The following SRRM4 variants were observed in gnomAD, a reference collection of about 807,000 sequenced individuals.
SRRM4 encodes the protein serine/arginine repetitive matrix 4, also known as serine/arginine repetitive matrix protein 4.
In SRRM4, 33 loss-of-function variants were observed where a neutral mutation model predicts 68.9. That is an observed-to-expected ratio of 0.48 (90% confidence interval 0.36 to 0.64). The LOEUF is 0.64. Among genes scored for constraint, SRRM4 ranks in the 30% least tolerant of loss-of-function variants. The probability of loss-of-function intolerance (pLI) is 0.00; values close to 1 mark genes in which losing one functional copy is unlikely to be tolerated. For synonymous variants in SRRM4, 318 were observed against 318.8 expected (o/e 1.00, Z 0.03); for missense variants, 817 against 827.1 (o/e 0.99, Z 0.15).
At chr12:119,121,214 A>G (rs1241071433) in intron 5 of SRRM4, among the ~76,000 whole-genome samples, 3 of 152,168 alleles carry the variant, frequency 2.0e-5, no homozygotes, top group African/African-American at 7.2e-5. Context: ...CTCAACATGA[A>G]GATAGATCCT....
intron 1 of SRRM4, among the ~76,000 whole-genome samples, chr12:119,025,374 T>G (rs1056867704): frequency 2.0e-4 from 30 of 151,862 alleles, no homozygotes; most frequent in African/African-American, 7.0e-4. Context: ...TGGAGGTTTG[T>G]TAATCCAGGC....
chr12:119,039,999 G>C (rs1296365328), intron 1 of SRRM4, among the ~76,000 whole-genome samples: 1 of 152,084 alleles, frequency 6.6e-6, no homozygotes, highest in Non-Finnish European at 1.5e-5. Flanking sequence ...ACATACAGGG[G>C]AGTGAATATG....
intron 1 of SRRM4, among the ~76,000 whole-genome samples, chr12:119,087,776 C>T (rs1051901169): frequency 1.3e-5 from 2 of 152,078 alleles, no homozygotes; most frequent in Non-Finnish European, 2.9e-5. Flanking sequence ...TGTGTAGACA[C>T]AGGTCTGTCT....
chr12:119,101,687 C>A (rs73213725), intron 1 of SRRM4, among the ~76,000 whole-genome samples: 6,005 of 152,040 alleles, frequency 0.039, 136 homozygotes, highest in African/African-American at 0.056. Flanking sequence ...ATAGTTAAGA[C>A]CATTTGAATC....
chr12:118,982,750 T>C, intron 1 of SRRM4, among the ~76,000 whole-genome samples: 1 of 145,534 alleles, frequency 6.9e-6, no homozygotes, highest in Non-Finnish European at 1.5e-5. Flanking sequence ...CCTTGGATGG[T>C]GGTAGACATG....
intron 6 of SRRM4, among the ~76,000 whole-genome samples, chr12:119,124,727 C>T (rs1954246091): frequency 1.3e-5 from 2 of 152,046 alleles, no homozygotes; most frequent in African/African-American, 4.8e-5. Flanking sequence ...TGACTCCATG[C>T]TAAGAACCTG....
At chr12:119,104,294 A>G (rs577480014) in intron 2 of SRRM4, among the ~76,000 whole-genome samples, 34 of 152,214 alleles carry the variant, frequency 2.2e-4, no homozygotes, top group African/African-American at 8.2e-4. Context: ...TGAAAATCTG[A>G]AAAAATGATG....
At chr12:119,017,690 G>A (rs1953490710) in intron 1 of SRRM4, among the ~76,000 whole-genome samples, 1 of 152,144 alleles carries the variant, frequency 6.6e-6, no homozygotes, top group Non-Finnish European at 1.5e-5. Context: ...GCAGTCGAGA[G>A]TGAAGGTTTG....
rs370777556 is a variant in SRRM4 at position 119,071,305 on chromosome 12, G to A, written c.132-30931G>A. Among the ~76,000 whole-genome samples, 15 of 152,276 alleles carry A rather than the reference G, an allele frequency of 9.9e-5. No homozygotes were observed. The South Asian group carries it at 1.2e-3, about 13-fold the overall frequency. On this transcript the variant is annotated intron_variant, in intron 1 of 12. Coordinates refer to ENST00000267260, the MANE Select transcript of SRRM4 (RefSeq NM_194286.4). The stretch of plus-strand genomic sequence containing the variant: ...GCAGTGGTTGGGAGCACAGATTTTC[G>A]TGTAAGACACAGATGTGTGTTGGAA...
chr12:119,046,717 T>C (rs193064449), intron 1 of SRRM4, among the ~76,000 whole-genome samples: 75 of 152,244 alleles, frequency 4.9e-4, no homozygotes, highest in Non-Finnish European at 8.1e-4. Flanking sequence ...CATTATCCAA[T>C]CTCTCTGAAA....
chr12:118,986,402 T>C (rs1337761923), intron 1 of SRRM4, among the ~76,000 whole-genome samples: 1 of 151,940 alleles, frequency 6.6e-6, no homozygotes, highest in African/African-American at 2.4e-5. Flanking sequence ...TTGCAGGGGG[T>C]CATTTCTGAC....
intron 9 of SRRM4, among the ~76,000 whole-genome samples, chr12:119,147,198 A>G (rs1954408600): frequency 6.6e-6 from 1 of 152,228 alleles, no homozygotes; most frequent in South Asian, 2.1e-4. Flanking sequence ...ACTAAGTGAA[A>G]GAAGCCAATG....
chr12:119,074,198 GA>G (rs1565902431), intron 1 of SRRM4, among the ~76,000 whole-genome samples: 1 of 37,658 alleles, frequency 2.7e-5, no homozygotes, highest in Admixed American at 2.3e-4. Context: ...TTAGGAAAGG[GA>G]AACGGTGAAA....
chr12:119,098,183 C>T (rs756380486), intron 1 of SRRM4, among the ~76,000 whole-genome samples: 4 of 152,206 alleles, frequency 2.6e-5, no homozygotes, highest in Non-Finnish European at 5.9e-5. Flanking sequence ...TGCCAACAGC[C>T]AGCACCAGCT....
chr12:119,021,971 T>C (rs1953519053), intron 1 of SRRM4, among the ~76,000 whole-genome samples: 1 of 152,104 alleles, frequency 6.6e-6, no homozygotes, highest in Non-Finnish European at 1.5e-5. Flanking sequence ...GGTCAAATGG[T>C]ATTTCTTGTT....
At chr12:119,049,397 TAG>T (rs2136015996) in intron 1 of SRRM4, among the ~76,000 whole-genome samples, 1 of 152,196 alleles carries the variant, frequency 6.6e-6, no homozygotes, top group East Asian at 1.9e-4. Context: ...AAAATGAAAT[TAG>T]AGAAATAACA....
intron 1 of SRRM4, among the ~76,000 whole-genome samples, chr12:119,022,234 T>A (rs1252411041): frequency 6.6e-6 from 1 of 152,200 alleles, no homozygotes; most frequent in African/African-American, 2.4e-5. Flanking sequence ...ATGCTTATTT[T>A]CTTTCTCTGA....
intron 1 of SRRM4, among the ~76,000 whole-genome samples, chr12:118,997,652 C>T (rs1418822259): frequency 6.6e-6 from 1 of 152,112 alleles, no homozygotes; most frequent in African/African-American, 2.4e-5. Context: ...CACACGTCTC[C>T]CTGAGGCAAT....
rs1954507515 is a variant in SRRM4 at position 119,160,659 on chromosome 12, A to C, written c.*3861A>C. 6.6e-6 allele frequency: 1 copy of C among 152,204 alleles called. No individual in the cohort carries two copies. Among genetic ancestry groups the C allele is most frequent in the East Asian group, 1.9e-4 (1 of 5,200 alleles). The allele number at this position is 152,204 out of a possible 1,614,324, so 9.4% of individuals were successfully genotyped here. A position where few individuals can be genotyped will look rare whatever the true frequency, so the allele number is the denominator to read the frequency against. On this transcript the variant is annotated 3_prime_UTR_variant, in exon 13 of 13. Coordinates refer to ENST00000267260, the MANE Select transcript of SRRM4 (RefSeq NM_194286.4). ...TACATTGCTCCCTTTCCCTAGGGCAAAGTTCGACCTCTGTTAAGTGGAGGG... is the reference window on the plus strand; with the variant it reads ...TACATTGCTCCCTTTCCCTAGGGCACAGTTCGACCTCTGTTAAGTGGAGGG...
Sources: allele counts gnomAD v4.1 joint callset (sites outside exome capture counted in the v4.1 genomes callset), GRCh38; gene constraint gnomAD v4.1.1; transcripts MANE v1.5; gene names NCBI Gene and HGNC (gene_info 2026-07-23, HGNC 2026-07-21).